The following FAM193A variants were observed in gnomAD, a reference collection of about 807,000 sequenced individuals.
The protein encoded by FAM193A is protein FAM193A.
A neutral mutation model predicts 126.5 loss-of-function variants in FAM193A; 22 were observed. The ratio of observed to expected loss-of-function variants is 0.17; its 90% CI spans 0.12 to 0.25. The LOEUF is 0.25. Among genes scored for constraint, FAM193A ranks in the 10% least tolerant of loss-of-function variants. FAM193A has a pLI of 1.00. For missense variants in FAM193A, 1,675 were observed against 1,672.8 expected, an observed-to-expected ratio of 1.00 and a Z score of -0.02; for synonymous variants, 761 against 646.8, an observed-to-expected ratio of 1.18 and a Z score of -2.68.
At chr4:2,632,054 G>A (rs1743643499) in intron 5 of FAM193A, among the ~76,000 whole-genome samples, 1 of 149,358 alleles carries the variant, frequency 6.7e-6, no homozygotes, top group African/African-American at 2.6e-5. Context: ...AGGCTGAGAA[G>A]TCTAAGTTTG....
intron 1 of FAM193A, among the ~76,000 whole-genome samples, 185 bp downstream of exon 1, chr4:2,537,355 G>C (rs1311175112): frequency 6.6e-6 from 1 of 152,198 alleles, no homozygotes; most frequent in Non-Finnish European, 1.5e-5. Flanking sequence ...GGTGGGCCGT[G>C]CTCGGCGTGA....
intron 6 of FAM193A, among the ~76,000 whole-genome samples, chr4:2,645,459 A>C (rs963430733): frequency 1.3e-5 from 2 of 151,742 alleles, no homozygotes; most frequent in African/African-American, 4.8e-5. Context: ...GTCCACCTGC[A>C]TGTGTGTCTT....
chr4:2,612,644 C>T (rs75043189), intron 2 of FAM193A, among the ~76,000 whole-genome samples: 4,373 of 152,166 alleles, frequency 0.029, 223 homozygotes, highest in African/African-American at 0.099. Context: ...TTTTTGCATA[C>T]TGATATCCAG....
In FAM193A at chr4:2,660,856, A is replaced by AG. The variant is rs1355670762; in HGVS notation, c.1745+802_1745+803insG. The stretch of plus-strand genomic sequence containing the variant: ...CAATTTGGGCTTGTTCTCAGACAAA[A>AG]TAATTCTGAAAGGACTGGTTTAAAC... On this transcript the variant is annotated intron_variant, in intron 10 of 20. Coordinates refer to ENST00000637812, the MANE Select transcript of FAM193A (RefSeq NM_001366318.2). Among the ~76,000 whole-genome samples, 10 of 152,322 alleles carry AG rather than the reference A, an allele frequency of 6.6e-5. No homozygotes were observed. The East Asian group carries it at 1.9e-3, about 29-fold the overall frequency.
At chr4:2,646,222 T>C (rs932946181) in intron 6 of FAM193A, among the ~76,000 whole-genome samples, 3 of 141,284 alleles carry the variant, frequency 2.1e-5, no homozygotes, top group Non-Finnish European at 3.0e-5. Flanking sequence ...CAGGCTGGAG[T>C]GCAATGGTGT....
chr4:2,614,919 C>A (rs1187458524), intron 2 of FAM193A, among the ~76,000 whole-genome samples: 1 of 152,196 alleles, frequency 6.6e-6, no homozygotes, highest in African/African-American at 2.4e-5. Flanking sequence ...TCCATAGGAT[C>A]TCTAGTGATT....
chr4:2,555,237 T>C (rs770230452), intron 1 of FAM193A, among the ~76,000 whole-genome samples: 5 of 152,216 alleles, frequency 3.3e-5, no homozygotes, highest in Admixed American at 6.5e-5. Flanking sequence ...CCATCTTCAT[T>C]TTAGAGTTTG....
intron 2 of FAM193A, among the ~76,000 whole-genome samples, chr4:2,597,853 T>C (rs1740957105): frequency 6.6e-6 from 1 of 152,140 alleles, no homozygotes; most frequent in African/African-American, 2.4e-5. Flanking sequence ...AATCCCCTTG[T>C]TCCCCTTGGT....
chr4:2,595,656 A>C (rs1740812619), intron 1 of FAM193A, among the ~76,000 whole-genome samples: 1 of 152,206 alleles, frequency 6.6e-6, no homozygotes, highest in African/African-American at 2.4e-5. Context: ...AGCCGACCTC[A>C]AAGATGGTTT....
intron 2 of FAM193A, among the ~76,000 whole-genome samples, chr4:2,599,039 G>A (rs984896894): frequency 5.9e-5 from 9 of 152,128 alleles, no homozygotes; most frequent in South Asian, 2.1e-4. Flanking sequence ...TGTGGCACAC[G>A]CCTTTCTCCA....
At chr4:2,689,839 G>C in intron 14 of FAM193A, 135 bp downstream of exon 14, 1 of 603,804 alleles carries the variant, frequency 1.7e-6, no homozygotes, top group Non-Finnish European at 2.8e-6. Flanking sequence ...TCCAGTGGGA[G>C]GCCCCTCGGG....
At chr4:2,654,397 T>TTC (rs1745970291) in intron 7 of FAM193A, 1 of 150,134 alleles carries the variant, frequency 6.7e-6, no homozygotes, top group Non-Finnish European at 1.5e-5. Context: ...TTTTTTTTTT[T>TTC]TTTTGTATTT....
chr4:2,716,300 CAA>C (rs1214574668), intron 20 of FAM193A, among the ~76,000 whole-genome samples, 196 bp downstream of exon 20: 1 of 152,228 alleles, frequency 6.6e-6, no homozygotes, highest in East Asian at 1.9e-4. Context: ...AACACTCACA[CAA>C]TCACTTCTGC....
intron 19 of FAM193A, among the ~76,000 whole-genome samples, chr4:2,707,352 G>A (rs1718423031): frequency 6.6e-6 from 1 of 151,960 alleles, no homozygotes; most frequent in Non-Finnish European, 1.5e-5. Context: ...AATCACCATT[G>A]TTTTTAATTT....
intron 13 of FAM193A, among the ~76,000 whole-genome samples, chr4:2,688,264 T>G (rs1433535333): frequency 6.6e-6 from 1 of 152,102 alleles, no homozygotes; most frequent in Non-Finnish European, 1.5e-5. Context: ...GGTCTCGAAT[T>G]ATAACTGTGG....
At chr4:2,704,838 G>A (rs1165145432) in intron 19 of FAM193A, among the ~76,000 whole-genome samples, 1 of 152,102 alleles carries the variant, frequency 6.6e-6, no homozygotes, top group Non-Finnish European at 1.5e-5. Context: ...TTCTTTTTGT[G>A]TGTATGAATT....
At chr4:2,555,640 CAG>C (rs1395896017) in intron 1 of FAM193A, among the ~76,000 whole-genome samples, 14 of 150,020 alleles carry the variant, frequency 9.3e-5, no homozygotes, top group African/African-American at 2.2e-4. Context: ...GTTTTTGAGA[CAG>C]AGTCTCGCTC....
chr4:2,701,515 C>G (rs952263126), intron 19 of FAM193A, among the ~76,000 whole-genome samples: 9 of 152,112 alleles, frequency 5.9e-5, no homozygotes, highest in Non-Finnish European at 1.5e-5. Flanking sequence ...GGCAACACCA[C>G]TGATGTGGCC....
At chr4:2,595,391 A>T (rs1240935699) in intron 1 of FAM193A, among the ~76,000 whole-genome samples, 1 of 151,752 alleles carries the variant, frequency 6.6e-6, no homozygotes, top group East Asian at 1.9e-4. Context: ...GGCTAATTTT[A>T]TTTTTTTTCT....
Sources: gnomAD v4.1 joint callset for allele counts (sites outside exome capture counted in the v4.1 genomes callset) on GRCh38, gnomAD v4.1.1 for gene constraint, MANE v1.5 for transcripts, NCBI Gene and HGNC (gene_info 2026-07-23, HGNC 2026-07-21) for gene names.